EFR3B: variants seen among roughly 807,000 people sequenced by gnomAD.
EFR3B encodes the protein EFR3 homolog B, also known as protein EFR3 homolog B.
In EFR3B, 64 loss-of-function variants were observed where a neutral mutation model predicts 104.7. That is an observed-to-expected ratio of 0.61 (90% CI 0.50 to 0.75). The LOEUF is 0.75. Ranked by LOEUF, EFR3B falls within the 30% of genes least tolerant of loss-of-function variation. The pLI is 0.00. For synonymous variants in EFR3B, 385 were observed against 417.9 expected (o/e 0.92, Z 0.96); for missense variants, 750 against 1,078.5 (o/e 0.70, Z 4.27).
chr2:25,079,420 G>T (rs1668726886), intron 1 of EFR3B, among the ~76,000 whole-genome samples: 1 of 152,134 alleles, frequency 6.6e-6, no homozygotes, highest in Non-Finnish European at 1.5e-5. Context: ...ATGTGACCTT[G>T]GGCAGGGCAC....
At chr2:25,143,072 C>T (rs1311720129) in intron 17 of EFR3B, among the ~76,000 whole-genome samples, 5 of 150,480 alleles carry the variant, frequency 3.3e-5, no homozygotes, top group African/African-American at 1.2e-4. Flanking sequence ...ATGGTGAAAC[C>T]CCGTCTCTAC....
intron 1 of EFR3B, among the ~76,000 whole-genome samples, chr2:25,053,005 C>T (rs1273757522): frequency 6.6e-6 from 1 of 152,178 alleles, no homozygotes; most frequent in Non-Finnish European, 1.5e-5. Context: ...GGATTTGAAC[C>T]TCAGCATTCC....
chr2:25,150,802 G>T (rs539952390), intron 20 of EFR3B, among the ~76,000 whole-genome samples: 1 of 152,066 alleles, frequency 6.6e-6, no homozygotes, highest in East Asian at 1.9e-4. Context: ...GTAGAGACAG[G>T]GTTTCACCAT....
intron 16 of EFR3B, 33 bp downstream of exon 16, chr2:25,139,223 C>T (rs919606477): frequency 3.9e-6 from 6 of 1,541,046 alleles, no homozygotes; most frequent in Non-Finnish European, 5.2e-6. Flanking sequence ...GCTCAGGGGG[C>T]CCTCAACTTG....
chr2:25,042,319 G>A lies in EFR3B; in HGVS notation c.7G>A (p.Gly3Ser). MY[G>S]VCGCCGALRP... ...AGGCGCGCGCCCCGCCGAGATGTAC[G>A]GTAAGGAGGGCTCCGCGCCCGGGCC... The change falls in exon 1 of 23, where the codon GGT (glycine) becomes AGT (serine). Residue 3 changes from glycine to serine, a missense_variant and splice_region_variant. Gly to Ser is a moderately conservative substitution (Grantham distance 56). Transcript: ENST00000403714. The surrounding 1 kb of genome is among the most constrained non-coding windows in gnomAD (Gnocchi z 5.4). The A allele has an allele frequency of 7.9e-7, 1 of 1,273,442 alleles. No homozygotes were observed. Among genetic ancestry groups the A allele is most frequent in the South Asian group, 2.5e-5 (1 of 40,136 alleles). 78.9% of individuals were successfully genotyped at this position (1,273,442 alleles called of 1,614,324 possible).
intron 1 of EFR3B, among the ~76,000 whole-genome samples, chr2:25,057,362 A>G (rs1202440618): frequency 6.6e-6 from 1 of 152,166 alleles, no homozygotes; most frequent in Non-Finnish European, 1.5e-5. Context: ...ATTTTCAGAT[A>G]AGTTAAATGC....
At chr2:25,045,823 G>T (rs1423674787) in intron 1 of EFR3B, among the ~76,000 whole-genome samples, 1 of 151,914 alleles carries the variant, frequency 6.6e-6, no homozygotes, top group Non-Finnish European at 1.5e-5. Flanking sequence ...TTTCCCTGTT[G>T]CTCTCATCTG....
chr2:25,076,616 C>T (rs989532256), intron 1 of EFR3B, among the ~76,000 whole-genome samples: 3 of 152,164 alleles, frequency 2.0e-5, no homozygotes, highest in Admixed American at 6.5e-5. Flanking sequence ...TTAGTGGTCC[C>T]GAGAGACAGA....
chr2:25,126,739 A>G (rs1670179328), intron 5 of EFR3B, among the ~76,000 whole-genome samples: 1 of 151,514 alleles, frequency 6.6e-6, no homozygotes, highest in Non-Finnish European at 1.5e-5. Context: ...CAAGCTATAT[A>G]CTGGCCTTGC....
At chr2:25,057,590 T>C (rs1250212403) in intron 1 of EFR3B, among the ~76,000 whole-genome samples, 1 of 152,144 alleles carries the variant, frequency 6.6e-6, no homozygotes, top group Non-Finnish European at 1.5e-5. Context: ...GAGACCAGCC[T>C]GACCAACATG....
At chr2:25,046,435 C>G (rs1165868482) in intron 1 of EFR3B, among the ~76,000 whole-genome samples, 1 of 151,754 alleles carries the variant, frequency 6.6e-6, no homozygotes, top group Non-Finnish European at 1.5e-5. Context: ...AATCCTATTT[C>G]GTGAGTGAGA....
At chr2:25,092,716 T>C (rs973627918) in intron 2 of EFR3B, among the ~76,000 whole-genome samples, 9 of 151,976 alleles carry the variant, frequency 5.9e-5, no homozygotes, top group African/African-American at 2.2e-4. Context: ...GCCTGGCTAA[T>C]TTTTGTATTT....
In EFR3B at chr2:25,154,150, G is replaced by A; in HGVS notation, c.2349-85G>A. ...GGTGCCTGTGCAAAAAGAAACCCAA[G>A]TCACCTACTCTGTTTGGTTGCACAA... On this transcript the variant is annotated intron_variant, in intron 22 of 22. Coordinates refer to ENST00000403714, the MANE Select transcript of EFR3B (RefSeq NM_014971.2). This position sits in a 1 kb window ranked among gnomAD's most constrained non-coding sequence, Gnocchi z 4.1. The A allele has an allele frequency of 7.9e-6, 10 of 1,267,724 alleles. No homozygotes were observed. The highest frequency in any genetic ancestry group is 2.2e-6 in the Non-Finnish European group (2 of 904,848). The allele number at this position is 1,267,724 out of a possible 1,614,324, so 78.5% of individuals were successfully genotyped here.
chr2:25,149,221 G>A (rs1016391160), intron 19 of EFR3B, among the ~76,000 whole-genome samples: 18 of 151,866 alleles, frequency 1.2e-4, no homozygotes, highest in Non-Finnish European at 1.9e-4. Flanking sequence ...GGTGGTGCAC[G>A]CCTATAATCC....
intron 1 of EFR3B, among the ~76,000 whole-genome samples, chr2:25,086,959 T>C (rs965859312): frequency 6.6e-6 from 1 of 152,210 alleles, no homozygotes; most frequent in African/African-American, 2.4e-5. Context: ...ATTCTCATGC[T>C]GTGAACGAAG....
chr2:25,153,646 G>A (rs1671076352), intron 21 of EFR3B, 66 bp from the exon 22 acceptor site: 1 of 1,519,744 alleles, frequency 6.6e-7, no homozygotes, highest in Non-Finnish European at 8.9e-7. Flanking sequence ...TGGACACCCT[G>A]AGCCAGCTGG....
chr2:25,055,445 C>A, intron 1 of EFR3B, among the ~76,000 whole-genome samples: 1 of 152,116 alleles, frequency 6.6e-6, no homozygotes, highest in East Asian at 1.9e-4. Context: ...GTCTATAAAT[C>A]TGAGAATTAG....
At chr2:25,103,064 C>G (rs569395601) in intron 3 of EFR3B, among the ~76,000 whole-genome samples, 2 of 152,224 alleles carry the variant, frequency 1.3e-5, no homozygotes, top group African/African-American at 4.8e-5. Context: ...ACTTCCTCCC[C>G]ACTCGAGCCA....
At chr2:25,049,638 A>G (rs1290248021) in intron 1 of EFR3B, among the ~76,000 whole-genome samples, 1 of 152,174 alleles carries the variant, frequency 6.6e-6, no homozygotes, top group Non-Finnish European at 1.5e-5. Context: ...TCATCTGGGC[A>G]GGCTTCAGAA....
Sources: gnomAD v4.1 joint callset for allele counts (sites outside exome capture counted in the v4.1 genomes callset) on GRCh38, gnomAD v4.1.1 for gene constraint, Gnocchi (gnomAD v3.1) non-coding constraint, MANE v1.5 for transcripts, NCBI Gene and HGNC (gene_info 2026-07-23, HGNC 2026-07-21) for gene names.